SLC35F3: variants seen among roughly 807,000 people sequenced by gnomAD.
The protein encoded by SLC35F3 is solute carrier family 35 member F3.
Under a neutral mutation model 49.9 loss-of-function variants are expected in SLC35F3, and 25 were observed. That is an observed-to-expected ratio of 0.50 (90% CI 0.37 to 0.70). SLC35F3 has a LOEUF of 0.70. Ranked by LOEUF, SLC35F3 falls within the 30% of genes least tolerant of loss-of-function variation. SLC35F3 has a pLI of 0.00. For missense variants in SLC35F3, 525 were observed against 639.8 expected (o/e 0.82, Z 1.94); for synonymous variants, 275 against 265.4 (o/e 1.04, Z -0.35).
intron 2 of SLC35F3, among the ~76,000 whole-genome samples, chr1:233,960,102 CCTGT>C (rs1460949232): frequency 6.6e-6 from 1 of 152,228 alleles, no homozygotes; most frequent in African/African-American, 2.4e-5. Context: ...TAGATCCCGA[CCTGT>C]CTGTCTAGGT....
At chr1:233,929,615 C>G (rs1435360372) in intron 2 of SLC35F3, among the ~76,000 whole-genome samples, 2 of 152,136 alleles carry the variant, frequency 1.3e-5, no homozygotes, top group East Asian at 3.9e-4. Context: ...TTGAACACTA[C>G]TATGTGGTGG....
intron 2 of SLC35F3, among the ~76,000 whole-genome samples, chr1:234,007,998 A>G (rs1663657382): frequency 6.6e-6 from 1 of 152,224 alleles, no homozygotes; most frequent in African/African-American, 2.4e-5. Flanking sequence ...AATGAAGGTT[A>G]GTAATTAAAA....
At chr1:233,997,818 C>G (rs1299156264) in intron 2 of SLC35F3, among the ~76,000 whole-genome samples, 4 of 151,900 alleles carry the variant, frequency 2.6e-5, no homozygotes, top group Non-Finnish European at 4.4e-5. Context: ...ATGGCACAAT[C>G]TTGGCTCACT....
intron 2 of SLC35F3, among the ~76,000 whole-genome samples, chr1:234,071,668 A>G (rs1046241562): frequency 1.3e-5 from 2 of 152,210 alleles, no homozygotes; most frequent in Non-Finnish European, 2.9e-5. Flanking sequence ...TGAACATGCA[A>G]TTTGTCATTG....
chr1:234,239,261 C>A (rs189699802), intron 3 of SLC35F3, among the ~76,000 whole-genome samples: 1 of 152,076 alleles, frequency 6.6e-6, no homozygotes, highest in African/African-American at 2.4e-5. Context: ...AATCTTTGTG[C>A]GGGTCAGATG....
At chr1:234,191,309 C>A (rs1666726908) in intron 2 of SLC35F3, among the ~76,000 whole-genome samples, 1 of 152,124 alleles carries the variant, frequency 6.6e-6, no homozygotes, top group Non-Finnish European at 1.5e-5. Flanking sequence ...CAAAACCATG[C>A]AAATATATGA....
intron 1 of SLC35F3, 106 bp from the exon 2 acceptor site, chr1:233,905,423 C>A: frequency 1.1e-6 from 1 of 898,456 alleles, no homozygotes; most frequent in Non-Finnish European, 1.7e-6. Flanking sequence ...CGGAGGGCCC[C>A]GGCCGCGCTC....
rs1008342819 is a variant in SLC35F3, at chr1:234,046,504, T to C, written c.283+140746T>C. On this transcript the variant is annotated intron_variant, in intron 2 of 7. Coordinates refer to ENST00000366618, the MANE Select transcript of SLC35F3 (RefSeq NM_173508.4). The surrounding 1 kb of genome is among the most constrained non-coding windows in gnomAD (Gnocchi z 4.4). ...TAATTCTTTATATAGTCTGGATAAA[T>C]CCTTCGTCAATTATCTGTATTGCAA... is the stretch of plus-strand genomic sequence containing the variant. Among the ~76,000 whole-genome samples, 1 of 152,182 alleles carries C rather than the reference T, an allele frequency of 6.6e-6. No individual in the cohort carries two copies. The highest frequency in any genetic ancestry group is 1.5e-5 in the Non-Finnish European group (1 of 68,006).
At chr1:234,084,364 C>T (rs553091124) in intron 2 of SLC35F3, among the ~76,000 whole-genome samples, 25 of 152,194 alleles carry the variant, frequency 1.6e-4, no homozygotes, top group Non-Finnish European at 2.6e-4. Flanking sequence ...GTTATTTGCA[C>T]GTTGCCAAAC....
At chr1:233,928,376 A>G (rs1662192584) in intron 2 of SLC35F3, among the ~76,000 whole-genome samples, 1 of 152,172 alleles carries the variant, frequency 6.6e-6, no homozygotes, top group South Asian at 2.1e-4. Flanking sequence ...AATAATAATA[A>G]TAATTGGAAC....
chr1:234,057,985 G>C (rs960298185), intron 2 of SLC35F3, among the ~76,000 whole-genome samples: 1 of 152,128 alleles, frequency 6.6e-6, no homozygotes, highest in Non-Finnish European at 1.5e-5. Context: ...GGGATTACAG[G>C]TATGAGACAC....
chr1:234,008,264 G>A (rs1169088572), intron 2 of SLC35F3, among the ~76,000 whole-genome samples: 1 of 152,172 alleles, frequency 6.6e-6, no homozygotes, highest in Non-Finnish European at 1.5e-5. Context: ...ATTCAGGGAA[G>A]GCAGAAACAT....
intron 2 of SLC35F3, among the ~76,000 whole-genome samples, chr1:234,102,677 C>T (rs12747772): frequency 0.14 from 21,002 of 152,082 alleles, 3,151 homozygotes; most frequent in East Asian, 0.81. Flanking sequence ...CTGCCTGTGA[C>T]ATAACAACTT....
Position 234,143,288 on chromosome 1 carries a change from C to CTTTTCTTTTCTT in SLC35F3, c.284-88125_284-88124insCTTTTCTTTTTT, listed in dbSNP as rs1478216426. Among the ~76,000 whole-genome samples, 342 of 123,508 alleles carry CTTTTCTTTTCTT rather than the reference C, an allele frequency of 2.8e-3. 2 individuals carry two copies. In the East Asian group the frequency reaches 0.033, roughly 12 times the overall value. The allele number at this position is 123,508 out of a possible 152,430, so 81.0% of individuals were successfully genotyped here. ...GAGTTTGACTCTTTTCTTTTCTTTT[C>CTTTTCTTTTCTT]TTTTTTTTTTTTTTTTTGAGATAAA... On this transcript the variant is annotated intron_variant, in intron 2 of 7. Coordinates refer to ENST00000366618, the MANE Select transcript of SLC35F3 (RefSeq NM_173508.4).
chr1:233,910,486 T>C (rs559738107), intron 2 of SLC35F3, among the ~76,000 whole-genome samples: 1 of 152,328 alleles, frequency 6.6e-6, no homozygotes, highest in Admixed American at 6.5e-5. Flanking sequence ...CAGCAGTCAG[T>C]GTATGTCAGA....
chr1:234,168,480 G>T (rs1430688426), intron 2 of SLC35F3, among the ~76,000 whole-genome samples: 1 of 152,234 alleles, frequency 6.6e-6, no homozygotes, highest in East Asian at 1.9e-4. Flanking sequence ...CATCCTGTAA[G>T]TGTCATTGCT....
chr1:234,318,298 A>G (rs554823522), intron 5 of SLC35F3, among the ~76,000 whole-genome samples: 6 of 152,308 alleles, frequency 3.9e-5, no homozygotes, highest in Admixed American at 3.9e-4. Context: ...ACATGGTGGG[A>G]TGGAGCAGAG....
intron 3 of SLC35F3, among the ~76,000 whole-genome samples, chr1:234,265,347 T>TA (rs924389117): frequency 8.0e-5 from 3 of 37,346 alleles, no homozygotes; most frequent in African/African-American, 2.6e-4. Flanking sequence ...TTTCTTTTTG[T>TA]TTTTTTGGTA....
chr1:234,172,916 A>G (rs1438668138), intron 2 of SLC35F3, among the ~76,000 whole-genome samples: 1 of 152,216 alleles, frequency 6.6e-6, no homozygotes, highest in African/African-American at 2.4e-5. Flanking sequence ...GGATGTTGCA[A>G]AAATAGCAGA....
Sources: allele counts gnomAD v4.1 joint callset (sites outside exome capture counted in the v4.1 genomes callset), GRCh38; gene constraint gnomAD v4.1.1; non-coding constraint Gnocchi (gnomAD v3.1); transcripts MANE v1.5; gene names NCBI Gene and HGNC (gene_info 2026-07-23, HGNC 2026-07-21).